Variants in ZNF730 observed in about 807,000 individuals in gnomAD.
The protein encoded by ZNF730 is zinc finger protein 730.
A neutral mutation model predicts 12.6 loss-of-function variants in ZNF730; 12 were observed. The observed-to-expected ratio is 0.95, with a 90% CI of 0.61 to 1.54. ZNF730 has a LOEUF of 1.54. Among genes scored for constraint, ZNF730 ranks in the 40% most tolerant of loss-of-function variants. The pLI is 0.00. For missense variants in ZNF730, 643 were observed against 583.5 expected (o/e 1.10, Z -1.05); for synonymous variants, 194 against 195.8 (o/e 0.99, Z 0.08).
chr19:23,140,979 G>T (rs60702741), intron 3 of ZNF730, among the ~76,000 whole-genome samples: 2,294 of 152,038 alleles, frequency 0.015, 58 homozygotes, highest in African/African-American at 0.052. Context: ...TCATTTCATG[G>T]CCAGTCATGG....
intron 1 of ZNF730, among the ~76,000 whole-genome samples, chr19:23,089,398 A>T (rs1027119562): frequency 6.6e-6 from 1 of 151,704 alleles, no homozygotes; most frequent in Non-Finnish European, 1.5e-5. Flanking sequence ...AGAGACAGTG[A>T]TATTGTTTGA....
At chr19:23,143,070 C>T (rs555269180) in intron 3 of ZNF730, among the ~76,000 whole-genome samples, 1 of 152,106 alleles carries the variant, frequency 6.6e-6, no homozygotes, top group Non-Finnish European at 1.5e-5. Flanking sequence ...CGGTGAAACC[C>T]TGTCTCTACT....
At chr19:23,109,626 T>C (rs1970438267) in intron 1 of ZNF730, among the ~76,000 whole-genome samples, 1 of 152,042 alleles carries the variant, frequency 6.6e-6, no homozygotes, top group South Asian at 2.1e-4. Context: ...GGTTTTGAAC[T>C]CCTGACCTGA....
In ZNF730 at chr19:23,135,983, CT is replaced by C; in HGVS notation, c.167del (p.Leu56ArgfsTer10). ...AVSKPDLITC[L>X]EQEKEPWNLK... ...CTCAAAGCCAGACCTGATCACCTGT[CT>C]GGAGCAAGAAAAAGAGCCTTGGAAT... On this transcript the variant is annotated frameshift_variant, in exon 3 of 4. Transcript: ENST00000597761. LOFTEE classifies it high-confidence loss of function. 1 of 1,609,128 alleles carries C rather than the reference CT, an allele frequency of 6.2e-7. No individual in the cohort carries two copies. Among genetic ancestry groups the C allele is most frequent in the Non-Finnish European group, 8.5e-7 (1 of 1,177,842 alleles).
chr19:23,147,057 T>C lies in ZNF730; in HGVS notation c.*501T>C. 1 of 261,278 alleles carries C rather than the reference T, an allele frequency of 3.8e-6. No homozygotes were observed. 16.2% of individuals were successfully genotyped at this position (261,278 alleles called of 1,614,324 possible). ...ATACTGGAGAAAACTTCTACAAGTGTAAACAAAGTGGCAAAACTTTTAACC... is the reference window on the plus strand; with the variant it reads ...ATACTGGAGAAAACTTCTACAAGTGCAAACAAAGTGGCAAAACTTTTAACC... On this transcript the variant is annotated 3_prime_UTR_variant, in exon 4 of 4. Transcript: ENST00000597761.
upstream of ZNF730, among the ~76,000 whole-genome samples, chr19:23,116,107 G>A (rs1044099891): frequency 6.6e-6 from 1 of 152,168 alleles, no homozygotes; most frequent in East Asian, 1.9e-4. Context: ...TGACACTTAG[G>A]GCCAAGGCCA....
At chr19:23,140,135 A>G (rs1395878387) in intron 3 of ZNF730, among the ~76,000 whole-genome samples, 1 of 151,714 alleles carries the variant, frequency 6.6e-6, no homozygotes, top group East Asian at 1.9e-4. Flanking sequence ...CACATCTTAT[A>G]TATTTTTTTT....
At chr19:23,094,025 T>C (rs1330486284) in intron 1 of ZNF730, among the ~76,000 whole-genome samples, 1 of 152,136 alleles carries the variant, frequency 6.6e-6, no homozygotes, top group Non-Finnish European at 1.5e-5. Flanking sequence ...CAGAACTGCT[T>C]AGATCCAGCA....
At chr19:23,132,210 T>A (rs1261674495) in intron 1 of ZNF730, among the ~76,000 whole-genome samples, 1 of 152,182 alleles carries the variant, frequency 6.6e-6, no homozygotes, top group Admixed American at 6.6e-5. Context: ...CAGGTAAAGA[T>A]GTGGTGCTTA....
chr19:23,100,881 C>T (rs1338095523), intron 1 of ZNF730, among the ~76,000 whole-genome samples: 1 of 152,030 alleles, frequency 6.6e-6, no homozygotes, highest in Non-Finnish European at 1.5e-5. Context: ...GTCTCGAAGT[C>T]CTGACCTCGT....
chr19:23,113,390 A>T (rs1970478662), upstream of ZNF730, among the ~76,000 whole-genome samples: 1 of 152,202 alleles, frequency 6.6e-6, no homozygotes, highest in Non-Finnish European at 1.5e-5. Flanking sequence ...AGAATATAAA[A>T]TTGTCTCTCA....
chr19:23,116,923 G>T (rs1000839566), upstream of ZNF730: 2 of 90,624 alleles, frequency 2.2e-5, no homozygotes, highest in Non-Finnish European at 4.2e-5. Context: ...GGGCCTGAGG[G>T]GGCGGGGCCT....
chr19:23,115,613 G>T (rs1970509542), upstream of ZNF730, among the ~76,000 whole-genome samples: 2 of 152,108 alleles, frequency 1.3e-5, no homozygotes, highest in South Asian at 4.2e-4. Flanking sequence ...GCACATGTTA[G>T]CCAGCTGGAG....
chr19:23,127,615 T>C (rs946710899), intron 1 of ZNF730: 9 of 1,016,322 alleles, frequency 8.9e-6, no homozygotes, highest in African/African-American at 1.6e-5. Context: ...ACTCATTTTG[T>C]TTAAAATTTG....
intron 1 of ZNF730, among the ~76,000 whole-genome samples, chr19:23,096,845 C>G (rs1284007284): frequency 6.6e-6 from 1 of 152,214 alleles, no homozygotes; most frequent in East Asian, 1.9e-4. Context: ...TGCCTAAGCC[C>G]TGCGTACAGT....
At chr19:23,087,946 A>G (rs1242205622) in intron 1 of ZNF730, among the ~76,000 whole-genome samples, 1 of 150,702 alleles carries the variant, frequency 6.6e-6, no homozygotes, top group African/African-American at 2.4e-5. Flanking sequence ...TTTTCTTGTT[A>G]CCCGGACCAG....
intron 3 of ZNF730, among the ~76,000 whole-genome samples, chr19:23,138,282 C>CAAAAAAAAAAAAAAA (rs1315758966): frequency 7.4e-4 from 7 of 9,450 alleles, no homozygotes; most frequent in Admixed American, 1.9e-3. Context: ...GACTCCGTCT[C>CAAAAAAAAAAAAAAA]AAAAAAAAAA....
At chr19:23,100,603 C>T (rs1396327204) in intron 1 of ZNF730, among the ~76,000 whole-genome samples, 2 of 145,738 alleles carry the variant, frequency 1.4e-5, no homozygotes, top group Non-Finnish European at 3.0e-5. Context: ...CATCATTGAA[C>T]ATCTAGCCAC....
rs373917404 is a variant in ZNF730 at position 23,147,143 on chromosome 19, A to G, written c.*587A>G. The G allele has an allele frequency of 4.5e-5, 8 of 178,466 alleles. No individual in the cohort carries two copies. The East Asian group carries it at 1.2e-3, about 27-fold the overall frequency. 11.1% of individuals were successfully genotyped at this position (178,466 alleles called of 1,614,324 possible). On this transcript the variant is annotated 3_prime_UTR_variant, in exon 4 of 4. Coordinates refer to ENST00000597761, the MANE Select transcript of ZNF730 (RefSeq NM_001277403.2). ...TGAGAATAAATATACAAGTGTAAAG[A>G]AAGTGAAAACCCTATTAATATCTGC...
Sources: gnomAD v4.1 joint callset for allele counts (sites outside exome capture counted in the v4.1 genomes callset) on GRCh38, gnomAD v4.1.1 for gene constraint, MANE v1.5 for transcripts, NCBI Gene and HGNC (gene_info 2026-07-23, HGNC 2026-07-21) for gene names.